The following KANSL2 variants were observed in gnomAD, a reference collection of about 807,000 sequenced individuals.
KANSL2 encodes NSL complex protein NSL2.
KANSL2 carries 34 observed loss-of-function variants against 55.6 expected under a neutral mutation model. The ratio of observed to expected loss-of-function variants is 0.61; its 90% CI spans 0.46 to 0.81. KANSL2 has a LOEUF of 0.81. KANSL2 is among the 40% of genes least tolerant of loss of function. The probability of loss-of-function intolerance (pLI) is 0.00; values close to 1 mark genes in which losing one functional copy is unlikely to be tolerated. For synonymous variants in KANSL2, 209 were observed against 214.3 expected (o/e 0.98, Z 0.22); for missense variants, 502 against 609.9 (o/e 0.82, Z 1.86).
chr12:48,658,102 G>A (rs139249660), intron 8 of KANSL2, among the ~76,000 whole-genome samples: 18 of 151,990 alleles, frequency 1.2e-4, no homozygotes, highest in South Asian at 2.1e-4. Flanking sequence ...ACAGTGGGGC[G>A]CACCTGTAAT....
chr12:48,664,860 G>GT (rs113459109), intron 7 of KANSL2, among the ~76,000 whole-genome samples: 2,613 of 148,402 alleles, frequency 0.018, 86 homozygotes, highest in African/African-American at 0.062. Flanking sequence ...GGAATTACAG[G>GT]TGTGAGCCAC....
chr12:48,677,910 C>A (rs1939854356), intron 4 of KANSL2, among the ~76,000 whole-genome samples: 1 of 149,468 alleles, frequency 6.7e-6, no homozygotes. Flanking sequence ...TAAACTAGTA[C>A]TTCCTGAATA....
Position 48,679,839 on chromosome 12 carries a change from G to A in KANSL2, c.252-6C>T, listed in dbSNP as rs751775892. The A allele has an allele frequency of 5.7e-6, 9 of 1,584,890 alleles. No individual in the cohort carries two copies. The highest frequency in any genetic ancestry group is 7.7e-6 in the Non-Finnish European group (9 of 1,165,426). On this transcript the variant is annotated splice_region_variant and splice_polypyrimidine_tract_variant and intron_variant, in intron 2 of 9. Transcript: ENST00000420613. ...GTTCAGCACAGAAGGACACCCTGAAGAGACAAAACATTAATATTTTATAAG... is the reference window on the plus strand; with the variant it reads ...GTTCAGCACAGAAGGACACCCTGAAAAGACAAAACATTAATATTTTATAAG...
rs193297162 is a variant in KANSL2 at position 48,672,106 on chromosome 12, T to C, written c.546-144A>G. The C allele has an allele frequency of 6.7e-5, 36 of 540,570 alleles. No homozygotes were observed. In the East Asian group the frequency reaches 1.2e-3, roughly 17 times the overall value. 33.5% of individuals were successfully genotyped at this position (540,570 alleles called of 1,614,324 possible). On this transcript the variant is annotated intron_variant, in intron 4 of 9. Coordinates refer to ENST00000420613, the MANE Select transcript of KANSL2 (RefSeq NM_017822.4). ...AATGTTTTTGCAAAACATTGTACCATTCAAGTTGTTATTAAATAAAACAAA... is the reference window on the plus strand; with the variant it reads ...AATGTTTTTGCAAAACATTGTACCACTCAAGTTGTTATTAAATAAAACAAA...
Position 48,667,730 on chromosome 12 carries a change from G to A in KANSL2, c.936C>T (p.Ser312=), listed in dbSNP as rs945938594. ...CLAFVDDVRC[S]NQSLPMTRHC... ...GTCTGGTCATTGGAAGAGACTGATT[G>A]GAACAACGAACATCATCCACAAAGG... The change falls in exon 7 of 10, where the codon TCC becomes TCT. Residue 312 remains serine, a synonymous_variant. Coordinates refer to ENST00000420613, the MANE Select transcript of KANSL2 (RefSeq NM_017822.4). 14 of 1,613,780 alleles carry A rather than the reference G, an allele frequency of 8.7e-6. No individual in the cohort carries two copies. Among genetic ancestry groups the A allele is most frequent in the Non-Finnish European group, 1.2e-5 (14 of 1,179,822 alleles).
intron 8 of KANSL2, among the ~76,000 whole-genome samples, chr12:48,657,283 G>A (rs1050190577): frequency 1.3e-5 from 2 of 152,036 alleles, no homozygotes; most frequent in Non-Finnish European, 2.9e-5. Context: ...AAATTAGCCA[G>A]GCGTCTTGGC....
chr12:48,669,059 A>G (rs548477029), intron 6 of KANSL2, 47 bp downstream of exon 6: 13 of 1,393,998 alleles, frequency 9.3e-6, no homozygotes, highest in Middle Eastern at 4.0e-4. Flanking sequence ...AATAAAAACA[A>G]TAAATAAAGT....
rs1288949135 is a variant in KANSL2 at position 48,664,005 on chromosome 12, T to G, written c.974-3386A>C. ...CGATATCGGCTCACCGCCTCCGCCT[T>G]CCGGGTTCAAGCGATTCTCCTGCCT... On this transcript the variant is annotated intron_variant, in intron 7 of 9. Coordinates refer to ENST00000420613, the MANE Select transcript of KANSL2 (RefSeq NM_017822.4). Among the ~76,000 whole-genome samples, 3 of 144,492 alleles carry G rather than the reference T, an allele frequency of 2.1e-5. No homozygotes were observed. The East Asian group carries it at 6.5e-4, about 32-fold the overall frequency. The allele number at this position is 144,492 out of a possible 152,430, so 94.8% of individuals were successfully genotyped here.
intron 4 of KANSL2, among the ~76,000 whole-genome samples, chr12:48,674,141 T>G (rs1223611038): frequency 6.6e-6 from 1 of 152,104 alleles, no homozygotes; most frequent in Non-Finnish European, 1.5e-5. Context: ...AATTATGCTT[T>G]ATTACTTTTT....
At chr12:48,670,898 A>C (rs909295883) in intron 5 of KANSL2, among the ~76,000 whole-genome samples, 1 of 152,010 alleles carries the variant, frequency 6.6e-6, no homozygotes, top group Non-Finnish European at 1.5e-5. Flanking sequence ...CAGGAGTTGA[A>C]GGCTGCAGTG....
At chr12:48,662,165 C>T (rs1939499854) in intron 7 of KANSL2, among the ~76,000 whole-genome samples, 1 of 152,144 alleles carries the variant, frequency 6.6e-6, no homozygotes, top group Admixed American at 6.5e-5. Flanking sequence ...AATGCAGTGG[C>T]GTGATCTCGG....
intron 4 of KANSL2, 55 bp downstream of exon 4, chr12:48,678,981 C>G: frequency 1.6e-6 from 2 of 1,252,406 alleles, no homozygotes; most frequent in South Asian, 2.5e-5. Flanking sequence ...GCATGCAGCA[C>G]TACATTCCAC....
At chr12:48,663,436 A>G (rs1939525306) in intron 7 of KANSL2, among the ~76,000 whole-genome samples, 1 of 152,124 alleles carries the variant, frequency 6.6e-6, no homozygotes, top group Admixed American at 6.6e-5. Context: ...AATTTTATAG[A>G]TTTTTAATTT....
chr12:48,681,571 C>T lies in KANSL2; in HGVS notation c.62G>A (p.Arg21Lys). 3 of 1,614,010 alleles carry T rather than the reference C, an allele frequency of 1.9e-6. No homozygotes were observed. Among genetic ancestry groups the T allele is most frequent in the Non-Finnish European group, 2.5e-6 (3 of 1,179,890 alleles). ...TGCACAAGACAGAGGTTCCTGAGAC[C>T]TGGGCACTGGAGTGATCCTCCCCCG... is the stretch of plus-strand genomic sequence containing the variant. ...TNRGRITPVP[R>K]SQEPLSCAFT... is the part of the protein sequence containing the mutation. Residue 21 changes from arginine (R) to lysine (K), a missense_variant, in exon 2 of 10, where the codon AGG becomes AAG. By Grantham distance (26) the Arg-to-Lys change is conservative (BLOSUM62 2). Coordinates refer to ENST00000420613, the MANE Select transcript of KANSL2 (RefSeq NM_017822.4).
intron 8 of KANSL2, among the ~76,000 whole-genome samples, chr12:48,657,333 G>C (rs958865273): frequency 6.6e-6 from 1 of 152,136 alleles, no homozygotes; most frequent in African/African-American, 2.4e-5. Context: ...ACTGAGGCAG[G>C]AGAATTGCTT....
In KANSL2 at chr12:48,660,419, A is replaced by C; in HGVS notation, c.1174T>G (p.Leu392Val). 6.2e-7 allele frequency: 1 copy of C among 1,613,966 alleles called. No individual in the cohort carries two copies. Among genetic ancestry groups the C allele is most frequent in the Non-Finnish European group, 8.5e-7 (1 of 1,179,868 alleles). The change falls in exon 8 of 10, where the codon TTG becomes GTG. Residue 392 changes from leucine (L) to valine (V), a missense_variant. By Grantham distance (32) the Leu-to-Val change is conservative. Coordinates refer to ENST00000420613, the MANE Select transcript of KANSL2 (RefSeq NM_017822.4). ...GTGGGCTGAAGCTCAGCAGCACTCA[A>C]GTACAGATCCATGGGGCCGGCTTCC... is the stretch of plus-strand genomic sequence containing the variant. Reference protein sequence around the residue: ...DLEAGPMDLYLSAAELQPTES... With the variant: ...DLEAGPMDLYVSAAELQPTES...
At chr12:48,668,451 T>C (rs1939642327) in intron 6 of KANSL2, among the ~76,000 whole-genome samples, 1 of 152,134 alleles carries the variant, frequency 6.6e-6, no homozygotes, top group African/African-American at 2.4e-5. Context: ...CTATAACCCA[T>C]GTGCAAAAAG....
At chr12:48,676,621 G>A (rs1939826986) in intron 4 of KANSL2, among the ~76,000 whole-genome samples, 1 of 151,990 alleles carries the variant, frequency 6.6e-6, no homozygotes. Context: ...TCGCACCATT[G>A]CACTCCAGCC....
intron 8 of KANSL2, 134 bp from the exon 9 acceptor site, chr12:48,655,194 T>C: frequency 1.2e-6 from 1 of 801,938 alleles, no homozygotes; most frequent in Non-Finnish European, 1.9e-6. Flanking sequence ...AAAAAAAATT[T>C]TACAAGAGCG....
Sources: gnomAD v4.1 joint callset for allele counts (sites outside exome capture counted in the v4.1 genomes callset) on GRCh38, gnomAD v4.1.1 for gene constraint, MANE v1.5 for transcripts, NCBI Gene and HGNC (gene_info 2026-07-23, HGNC 2026-07-21) for gene names.